The following SEMA6D variants were observed in gnomAD, a reference collection of about 807,000 sequenced individuals.
SEMA6D encodes the protein semaphorin 6D.
In SEMA6D, 35 loss-of-function variants were observed where a neutral mutation model predicts 106.6. That is an observed-to-expected ratio of 0.33 (90% confidence interval 0.25 to 0.44). The LOEUF (loss-of-function observed/expected upper bound fraction) is 0.44, where lower values mean the gene tolerates loss of function less well. Ranked by LOEUF, SEMA6D falls within the 20% of genes least tolerant of loss-of-function variation. The pLI is 1.00. For synonymous variants in SEMA6D, 499 were observed against 487.7 expected, an observed-to-expected ratio of 1.02 and a Z score of -0.31; for missense variants, 1,185 against 1,345.9, an observed-to-expected ratio of 0.88 and a Z score of 1.87.
intron 1 of SEMA6D, among the ~76,000 whole-genome samples, chr15:47,744,080 C>T (rs1264975036): frequency 6.6e-6 from 1 of 152,064 alleles, no homozygotes; most frequent in African/African-American, 2.4e-5. Context: ...ATAGTGAGTT[C>T]CAGATGCTAT....
At position 47,771,104 on chromosome 15, in the gene SEMA6D, C is replaced by T; in HGVS notation, c.2541C>T (p.His847=). Residue 847 remains histidine (H), a synonymous_variant, in exon 19 of 19, where the codon CAC becomes CAT. Coordinates refer to ENST00000536845, the MANE Select transcript of SEMA6D (RefSeq NM_001358351.3). ...CGTCTTTCTCAAACTCCAATGCTCACAAAGCTGAAAAGAAGCTTCAAAACA... is the reference window on the plus strand; with the variant it reads ...CGTCTTTCTCAAACTCCAATGCTCATAAAGCTGAAAAGAAGCTTCAAAACA... The part of the protein sequence containing the change: ...YNTSFSNSNA[H]KAEKKLQNID... 2 of 1,614,140 alleles carry T rather than the reference C, an allele frequency of 1.2e-6. No individual in the cohort carries two copies. The highest frequency in any genetic ancestry group is 1.7e-6 in the Non-Finnish European group (2 of 1,180,004).
At chr15:47,637,945 A>G (rs1275863441) in intron 4 of SEMA6D, among the ~76,000 whole-genome samples, 1 of 152,320 alleles carries the variant, frequency 6.6e-6, no homozygotes, top group East Asian at 1.9e-4. Flanking sequence ...CATAACTAAA[A>G]TAATACCTGA....
intron 4 of SEMA6D, among the ~76,000 whole-genome samples, chr15:47,624,772 G>C (rs1254093324): frequency 6.6e-6 from 1 of 152,198 alleles, no homozygotes; most frequent in Non-Finnish European, 1.5e-5. Context: ...ATTAAATGAG[G>C]CTTGATATAT....
intron 3 of SEMA6D, among the ~76,000 whole-genome samples, chr15:47,537,795 T>C (rs2045220135): frequency 6.6e-6 from 1 of 152,120 alleles, no homozygotes; most frequent in Non-Finnish European, 1.5e-5. Context: ...GTTGCTACCT[T>C]TGTGTCTGGG....
At chr15:47,519,418 A>G (rs983963090) in intron 3 of SEMA6D, among the ~76,000 whole-genome samples, 4 of 152,232 alleles carry the variant, frequency 2.6e-5, no homozygotes, top group African/African-American at 9.6e-5. Flanking sequence ...TGACCAAAAT[A>G]TTATGAAGAG....
chr15:47,272,941 T>C (rs1450247395), intron 1 of SEMA6D: 1 of 152,196 alleles, frequency 6.6e-6, no homozygotes, highest in Non-Finnish European at 1.5e-5. Flanking sequence ...GCCAAAGATT[T>C]GTCATCTAAT....
intron 1 of SEMA6D, among the ~76,000 whole-genome samples, chr15:47,331,749 CTG>C (rs1272529132): frequency 6.6e-6 from 1 of 152,084 alleles, no homozygotes; most frequent in Non-Finnish European, 1.5e-5. Context: ...AATAAAAAGA[CTG>C]AGGGGTAAAT....
intron 3 of SEMA6D, among the ~76,000 whole-genome samples, chr15:47,556,461 G>T (rs751555308): frequency 1.7e-4 from 26 of 152,084 alleles, no homozygotes; most frequent in Non-Finnish European, 3.1e-4. Flanking sequence ...TCAAAATGTC[G>T]AATTTGTTTA....
intron 1 of SEMA6D, among the ~76,000 whole-genome samples, chr15:47,225,989 A>G (rs2031637929): frequency 6.6e-6 from 1 of 152,056 alleles, no homozygotes; most frequent in Non-Finnish European, 1.5e-5. Context: ...TTGAAGTCCT[A>G]ATCCCCAGTA....
At chr15:47,426,687 T>C (rs1567071652) in intron 2 of SEMA6D, among the ~76,000 whole-genome samples, 1 of 152,154 alleles carries the variant, frequency 6.6e-6, no homozygotes, top group Non-Finnish European at 1.5e-5. Context: ...CTACAGGGTA[T>C]AGAAACTCAA....
chr15:47,352,995 C>G (rs764295649), intron 1 of SEMA6D, among the ~76,000 whole-genome samples: 39 of 152,074 alleles, frequency 2.6e-4, no homozygotes, highest in Non-Finnish European at 4.9e-4. Context: ...GTTTATTTAA[C>G]TGTACACAGA....
chr15:47,700,085 G>T (rs1013236100), intron 4 of SEMA6D, among the ~76,000 whole-genome samples: 1 of 152,004 alleles, frequency 6.6e-6, no homozygotes, highest in African/African-American at 2.4e-5. Flanking sequence ...ATAGGTACAA[G>T]ATTTATTTGA....
chr15:47,668,478 C>T (rs1414483521), intron 4 of SEMA6D, among the ~76,000 whole-genome samples: 1 of 152,138 alleles, frequency 6.6e-6, no homozygotes, highest in East Asian at 1.9e-4. Flanking sequence ...AGCTGCTTAC[C>T]CTGGTTTCAT....
intron 2 of SEMA6D, among the ~76,000 whole-genome samples, chr15:47,441,395 G>T (rs915985429): frequency 6.6e-6 from 1 of 152,110 alleles, no homozygotes; most frequent in Non-Finnish European, 1.5e-5. Flanking sequence ...AGTTGGGAGG[G>T]TAGGAACAAG....
intron 1 of SEMA6D, among the ~76,000 whole-genome samples, chr15:47,243,846 T>A (rs2141817712): frequency 6.6e-6 from 1 of 152,284 alleles, no homozygotes; most frequent in Non-Finnish European, 1.5e-5. Context: ...ATTCATTTAT[T>A]TTTCATGAAA....
rs943589613 is a variant in SEMA6D at position 47,768,734 on chromosome 15, C to T, written c.1919C>T (p.Ser640Leu). The stretch of plus-strand genomic sequence containing the variant: ...ACTTCTGATTTTACTGATCCTTTAT[C>T]GGGTATCCCAAAGGGTAAGGCCTCA... ...PNTSDFTDPL[S>L]GIPKGVRWEV... Residue 640 changes from serine to leucine, a missense_variant, in exon 18 of 19, where the codon TCG (serine) becomes TTG (leucine). By Grantham distance (145) the Ser-to-Leu change is moderately radical. This residue lies in a region of SEMA6D where 750 missense variants were observed against 783.5 expected (regional missense o/e 0.96). Transcript: ENST00000536845. 6 of 1,612,874 alleles carry T rather than the reference C, an allele frequency of 3.7e-6. No homozygotes were observed. The highest frequency in any genetic ancestry group is 1.3e-5 in the African/African-American group (1 of 74,854).
At chr15:47,690,468 A>C (rs1173439687) in intron 4 of SEMA6D, among the ~76,000 whole-genome samples, 1 of 152,210 alleles carries the variant, frequency 6.6e-6, no homozygotes, top group Non-Finnish European at 1.5e-5. Flanking sequence ...TCATTTTCCC[A>C]ATAATGCATT....
rs8182063 is a variant in SEMA6D at position 47,417,905 on chromosome 15, G to A, written c.-159+5433G>A. Among the ~76,000 whole-genome samples the A allele has an allele frequency of 4.0e-3, 608 of 151,666 alleles. 8 individuals carry two copies. In the East Asian group the frequency reaches 0.043, roughly 11 times the overall value. ...TGCTAGACAGTGTTTTGTGTATTGG[G>A]GATACTGAAGTAAACCCAACAGATA... On this transcript the variant is annotated intron_variant, in intron 2 of 19. Transcript: ENST00000558014.
chr15:47,515,246 C>T (rs938971484), intron 3 of SEMA6D, among the ~76,000 whole-genome samples: 6 of 152,156 alleles, frequency 3.9e-5, no homozygotes, highest in Non-Finnish European at 8.8e-5. Context: ...CCAGAGTACC[C>T]AATTCCGCTT....
Sources: allele counts gnomAD v4.1 joint callset (sites outside exome capture counted in the v4.1 genomes callset), GRCh38; gene constraint gnomAD v4.1.1; regional missense constraint gnomAD v4.1.1; transcripts MANE v1.5; gene names NCBI Gene and HGNC (gene_info 2026-07-23, HGNC 2026-07-21).